Variants in PRH1 observed in about 807,000 individuals in gnomAD.
PRH1 encodes proline rich protein HaeIII subfamily 1.
PRH1 carries 7 observed loss-of-function variants against 7.9 expected under a neutral mutation model. The ratio of observed to expected loss-of-function variants is 0.89; its 90% CI spans 0.50 to 1.67. The LOEUF is 1.67. Among genes scored for constraint, PRH1 ranks in the 40% most tolerant of loss-of-function variants. The pLI is 0.00. For synonymous variants in PRH1, 45 were observed against 80.8 expected, an observed-to-expected ratio of 0.56 and a Z score of 2.38; for missense variants, 109 against 223.6, an observed-to-expected ratio of 0.49 and a Z score of 3.27.
intron 1 of PRH1, among the ~76,000 whole-genome samples, chr12:11,147,316 T>G (rs575591335): frequency 1.3e-5 from 2 of 152,096 alleles, no homozygotes; most frequent in African/African-American, 2.4e-5. Flanking sequence ...GCTTACTGAG[T>G]AGCTGTGACT....
At chr12:11,129,635 AG>A (rs1450427993) in intron 1 of PRH1, among the ~76,000 whole-genome samples, 1 of 152,294 alleles carries the variant, frequency 6.6e-6, no homozygotes, top group African/African-American at 2.4e-5. Context: ...AATGCTTTCC[AG>A]GATGTGCTAT....
At chr12:11,030,309 C>G (rs1450834763) in intron 1 of PRH1, 28 of 1,528,052 alleles carry the variant, frequency 1.8e-5, no homozygotes, top group Non-Finnish European at 2.4e-5. Flanking sequence ...ATTATTCATA[C>G]ACATACAGTA....
chr12:10,908,519 T>A (rs747923980), intron 2 of PRH1: 1 of 1,613,914 alleles, frequency 6.2e-7, no homozygotes, highest in Non-Finnish European at 8.5e-7. Context: ...TGTAGATCAC[T>A]GTGTTCTGAT....
intron 1 of PRH1, among the ~76,000 whole-genome samples, chr12:11,037,193 G>C (rs1194927501): frequency 6.6e-6 from 1 of 152,096 alleles, no homozygotes; most frequent in African/African-American, 2.4e-5. Flanking sequence ...CAATAATACA[G>C]TATATCAACT....
intron 1 of PRH1, among the ~76,000 whole-genome samples, chr12:11,146,153 T>C (rs1460811201): frequency 6.6e-6 from 1 of 152,112 alleles, no homozygotes; most frequent in Non-Finnish European, 1.5e-5. Context: ...TCTGGATACC[T>C]TTTTAGTATT....
At chr12:10,949,171 T>G (rs118123467) in intron 2 of PRH1, among the ~76,000 whole-genome samples, 313 of 152,312 alleles carry the variant, frequency 2.1e-3, no homozygotes, top group Non-Finnish European at 3.0e-3. Flanking sequence ...TTAGTAGTGG[T>G]TGTGGCCAAG....
At chr12:11,044,076 T>C (rs189837429) in intron 1 of PRH1, among the ~76,000 whole-genome samples, 1 of 152,144 alleles carries the variant, frequency 6.6e-6, no homozygotes, top group Non-Finnish European at 1.5e-5. Context: ...AACAGCATGT[T>C]ACTGGCATTA....
intron 1 of PRH1, among the ~76,000 whole-genome samples, chr12:11,146,158 A>G (rs945556565): frequency 6.6e-6 from 1 of 152,066 alleles, no homozygotes; most frequent in Admixed American, 6.5e-5. Context: ...ATACCTTTTT[A>G]GTATTTTTAT....
At chr12:11,020,363 G>GATATATCTATATAT (rs1941545453) in intron 1 of PRH1, among the ~76,000 whole-genome samples, 11 of 87,580 alleles carry the variant, frequency 1.3e-4, no homozygotes, top group South Asian at 6.5e-4. Context: ...TATGATAAGC[G>GATATATCTATATAT]ATATATATAT....
chr12:11,010,601 C>T (rs1941023086), intron 1 of PRH1, among the ~76,000 whole-genome samples: 1 of 151,784 alleles, frequency 6.6e-6, no homozygotes, highest in African/African-American at 2.4e-5. Context: ...TCAGGTAATG[C>T]CATATTCAGC....
At chr12:11,102,717 C>A (rs1945292792) in intron 1 of PRH1, among the ~76,000 whole-genome samples, 1 of 152,184 alleles carries the variant, frequency 6.6e-6, no homozygotes. Flanking sequence ...TAAAGAGCTT[C>A]TGCACAGCAA....
At chr12:11,124,649 T>TAA (rs1946046107) in intron 1 of PRH1, among the ~76,000 whole-genome samples, 1 of 148,618 alleles carries the variant, frequency 6.7e-6, no homozygotes, top group African/African-American at 2.4e-5. Context: ...TATGTAAACG[T>TAA]TGTCCAAATT....
intron 2 of PRH1, among the ~76,000 whole-genome samples, chr12:10,898,638 T>C (rs183046839): frequency 6.6e-6 from 1 of 152,248 alleles, no homozygotes; most frequent in African/African-American, 2.4e-5. Context: ...AGATATAAAA[T>C]ATAGTTTATA....
intron 1 of PRH1, among the ~76,000 whole-genome samples, chr12:11,087,763 G>A (rs1161412902): frequency 1.0e-4 from 11 of 107,712 alleles, no homozygotes; most frequent in Admixed American, 2.8e-4. Flanking sequence ...AAAACCAGAT[G>A]GATTACAGAA....
chr12:11,074,053 A>G (rs367925517), intron 1 of PRH1, among the ~76,000 whole-genome samples: 33,970 of 96,002 alleles, frequency 0.35, 7,739 homozygotes, highest in Middle Eastern at 0.46. Context: ...ACTATATTGG[A>G]CACAAACATG....
chr12:11,126,061 T>C (rs1946116999), intron 1 of PRH1, among the ~76,000 whole-genome samples: 1 of 152,016 alleles, frequency 6.6e-6, no homozygotes, highest in Non-Finnish European at 1.5e-5. Context: ...TTCATTACTA[T>C]GAAACATAAC....
intron 2 of PRH1, among the ~76,000 whole-genome samples, chr12:10,963,554 G>A (rs2135937189): frequency 6.6e-6 from 1 of 152,194 alleles, no homozygotes; most frequent in Non-Finnish European, 1.5e-5. Flanking sequence ...AGCAGTTTAG[G>A]AAAGAAACGG....
At chr12:10,938,794 C>T (rs752433452) in intron 2 of PRH1, 87 of 1,613,060 alleles carry the variant, frequency 5.4e-5, no homozygotes, top group Admixed American at 2.7e-4. Context: ...ACAAGAAGAC[C>T]GAAGTCACAA....
At chr12:10,960,280 C>T (rs1205083612) in intron 2 of PRH1, among the ~76,000 whole-genome samples, 3 of 152,190 alleles carry the variant, frequency 2.0e-5, no homozygotes, top group East Asian at 3.9e-4. Flanking sequence ...CAGAGATAAA[C>T]GACTGAAAGG....
Sources: allele counts gnomAD v4.1 joint callset (sites outside exome capture counted in the v4.1 genomes callset), GRCh38; gene constraint gnomAD v4.1.1; transcripts MANE v1.5; gene names NCBI Gene and HGNC (gene_info 2026-07-23, HGNC 2026-07-21).